Variants in BTBD10 observed in about 807,000 individuals in gnomAD.
BTBD10 encodes the protein BTB/POZ domain-containing protein 10.
A neutral mutation model predicts 53.2 loss-of-function variants in BTBD10; 21 were observed. That is an observed-to-expected ratio of 0.39 (90% confidence interval 0.28 to 0.57). The LOEUF is 0.57. Among genes scored for constraint, BTBD10 ranks in the 20% least tolerant of loss-of-function variants. The pLI is 0.53. For synonymous variants in BTBD10, 149 were observed against 192.7 expected, an observed-to-expected ratio of 0.77 and a Z score of 1.88; for missense variants, 360 against 594.7, an observed-to-expected ratio of 0.61 and a Z score of 4.10.
chr11:13,428,145 C>T (rs78338486), intron 2 of BTBD10, among the ~76,000 whole-genome samples: 8 of 152,090 alleles, frequency 5.3e-5, no homozygotes, highest in Non-Finnish European at 1.0e-4. Flanking sequence ...AGAGAGGCTA[C>T]AGATACTAAA....
At chr11:13,450,102 G>C (rs901178432) in intron 1 of BTBD10, among the ~76,000 whole-genome samples, 2 of 152,168 alleles carry the variant, frequency 1.3e-5, no homozygotes, top group African/African-American at 2.4e-5. Flanking sequence ...TGATAGATAA[G>C]AGAGGGGGAA....
chr11:13,399,348 A>G (rs1949647930), intron 8 of BTBD10, among the ~76,000 whole-genome samples: 1 of 152,104 alleles, frequency 6.6e-6, no homozygotes, highest in African/African-American at 2.4e-5. Flanking sequence ...TCGGCTACTG[A>G]GGCTTGTGCA....
At chr11:13,439,019 A>G (rs1370041557) in intron 2 of BTBD10, among the ~76,000 whole-genome samples, 1 of 152,056 alleles carries the variant, frequency 6.6e-6, no homozygotes, top group African/African-American at 2.4e-5. Context: ...AACTTTTAGA[A>G]ATTAAATGGG....
At chr11:13,455,606 T>C (rs1358767969) in intron 1 of BTBD10, among the ~76,000 whole-genome samples, 2 of 152,200 alleles carry the variant, frequency 1.3e-5, no homozygotes, top group East Asian at 3.8e-4. Flanking sequence ...AACAATGTTT[T>C]AATTTTCTAC....
chr11:13,391,459 A>T (rs1471642892), intron 8 of BTBD10, among the ~76,000 whole-genome samples: 4 of 151,920 alleles, frequency 2.6e-5, no homozygotes, highest in African/African-American at 7.3e-5. Flanking sequence ...AACTGTAATT[A>T]CCTTTTTGTA....
intron 1 of BTBD10, among the ~76,000 whole-genome samples, chr11:13,462,161 C>G (rs759123451): frequency 3.6e-4 from 55 of 152,114 alleles, no homozygotes; most frequent in South Asian, 1.0e-3. Flanking sequence ...AAAATTTATC[C>G]CTAACCCCCT....
intron 1 of BTBD10, among the ~76,000 whole-genome samples, chr11:13,459,487 A>G (rs1290842844): frequency 3.3e-5 from 5 of 152,168 alleles, no homozygotes; most frequent in African/African-American, 4.8e-5. Flanking sequence ...AAAAAGGGAG[A>G]AAAATTTTAA....
rs1950915281 is a variant in BTBD10, at chr11:13,453,987, G to A, written c.-57-8806C>T. Among the ~76,000 whole-genome samples the A allele has an allele frequency of 1.3e-5, 2 of 152,160 alleles. 1 individual carries two copies. The highest frequency in any genetic ancestry group is 4.1e-4 in the South Asian group (2 of 4,828). ...GAATCGCTTGAACCTGGGAGGTGGA[G>A]GTTGCAGTGAGCCAAGATCGCGCCA... is the stretch of plus-strand genomic sequence containing the variant. On this transcript the variant is annotated intron_variant, in intron 1 of 8. Coordinates refer to ENST00000278174, the MANE Select transcript of BTBD10 (RefSeq NM_032320.7).
rs562823252 is a variant in BTBD10 at position 13,433,173 on chromosome 11, C to G, written c.102-11335G>C. Among the ~76,000 whole-genome samples, 8 of 152,276 alleles carry G rather than the reference C, an allele frequency of 5.3e-5. No individual in the cohort carries two copies. In the East Asian group the frequency reaches 1.5e-3, roughly 29 times the overall value. On this transcript the variant is annotated intron_variant, in intron 2 of 8. Coordinates refer to ENST00000278174, the MANE Select transcript of BTBD10 (RefSeq NM_032320.7). Reference sequence around the variant, plus strand: ...ATCTCTCTCTCTGACCTTCACCTGCCCTCTTTTCATGGCTCCTTTTTCTCT... The same window carrying G: ...ATCTCTCTCTCTGACCTTCACCTGCGCTCTTTTCATGGCTCCTTTTTCTCT...
chr11:13,419,640 C>T lies in BTBD10; in HGVS notation c.404G>A (p.Ser135Asn). 6.2e-7 allele frequency: 1 copy of T among 1,614,116 alleles called. No individual in the cohort carries two copies. The highest frequency in any genetic ancestry group is 1.1e-5 in the South Asian group (1 of 91,080). ...ACAGCTACCATCTGAACTTGACTGA[C>T]TACTGTTTCTGCTGCTGTTCCCAGC... ...SSAGNSSRNS[S>N]QSSSDGSCKT... Residue 135 changes from serine (S) to asparagine (N), a missense_variant, in exon 4 of 9, where the codon AGT becomes AAT. This residue lies in a region of BTBD10 where 109 missense variants were observed against 118.6 expected (regional missense o/e 0.92). Transcript: ENST00000278174.
chr11:13,411,202 A>T (rs545760146), intron 6 of BTBD10, among the ~76,000 whole-genome samples: 27 of 152,326 alleles, frequency 1.8e-4, no homozygotes, highest in Non-Finnish European at 3.1e-4. Context: ...AGTCAAAAAG[A>T]TACAGTCTCT....
chr11:13,428,991 A>G (rs1257249044), intron 2 of BTBD10, among the ~76,000 whole-genome samples: 1 of 152,172 alleles, frequency 6.6e-6, no homozygotes, highest in Non-Finnish European at 1.5e-5. Context: ...CCTAAAATTG[A>G]AATTTTAAAA....
chr11:13,401,546 A>G (rs1949716707), intron 8 of BTBD10, among the ~76,000 whole-genome samples: 1 of 152,226 alleles, frequency 6.6e-6, no homozygotes, highest in Non-Finnish European at 1.5e-5. Flanking sequence ...AAGGATGGAT[A>G]ATAGTCGCCA....
In BTBD10 at chr11:13,420,012, C is replaced by T. The variant is rs144983977; in HGVS notation, c.299-267G>A. The stretch of plus-strand genomic sequence containing the variant: ...GCTGACTAATGCTAACCCAAACTAA[C>T]ATCAAGACTAAGGAAAATTTTATGT... On this transcript the variant is annotated intron_variant, in intron 3 of 8. Coordinates refer to ENST00000278174, the MANE Select transcript of BTBD10 (RefSeq NM_032320.7). Among the ~76,000 whole-genome samples the T allele has an allele frequency of 1.2e-4, 19 of 152,150 alleles. No homozygotes were observed. The East Asian group carries it at 3.7e-3, about 29-fold the overall frequency.
chr11:13,412,912 G>C (rs1949994571), intron 6 of BTBD10, among the ~76,000 whole-genome samples: 1 of 152,128 alleles, frequency 6.6e-6, no homozygotes. Flanking sequence ...GGGAGTAGGG[G>C]TGCTGAAGAA....
chr11:13,441,479 T>C (rs575224550), intron 2 of BTBD10, among the ~76,000 whole-genome samples: 1 of 152,116 alleles, frequency 6.6e-6, no homozygotes, highest in Non-Finnish European at 1.5e-5. Flanking sequence ...AAATAAAATA[T>C]AATAATTAAA....
rs537829417 is a variant in BTBD10, at chr11:13,444,937, G to C, written c.101+87C>G. The C allele has an allele frequency of 1.1e-3, 1,000 of 933,544 alleles. 2 individuals carry two copies. Among genetic ancestry groups the C allele is most frequent in the Non-Finnish European group, 1.3e-3 (817 of 620,312 alleles). 57.8% of individuals were successfully genotyped at this position (933,544 alleles called of 1,614,324 possible). ...GTAAAACAGCCCCCATTCTCTGACA[G>C]GAATTGCCACAACCAAATGCAGTAG... is the stretch of plus-strand genomic sequence containing the variant. On this transcript the variant is annotated intron_variant, in intron 2 of 8. Transcript: ENST00000278174.
intron 5 of BTBD10, among the ~76,000 whole-genome samples, chr11:13,416,834 A>G (rs1361232403): frequency 6.6e-6 from 1 of 152,078 alleles, no homozygotes. Context: ...AACAAAAAAA[A>G]TTAGCCAGGC....
intron 2 of BTBD10, among the ~76,000 whole-genome samples, chr11:13,428,954 T>A (rs1019358605): frequency 1.3e-5 from 2 of 152,136 alleles, no homozygotes; most frequent in African/African-American, 4.8e-5. Flanking sequence ...AAAATGAACT[T>A]TATTTCTATA....
Sources: allele counts gnomAD v4.1 joint callset (sites outside exome capture counted in the v4.1 genomes callset), GRCh38; gene constraint gnomAD v4.1.1; regional missense constraint gnomAD v4.1.1; transcripts MANE v1.5; gene names NCBI Gene and HGNC (gene_info 2026-07-23, HGNC 2026-07-21).